IL12RB1: variants seen among roughly 807,000 people sequenced by gnomAD.
IL12RB1 encodes interleukin 12 receptor subunit beta 1.
A neutral mutation model predicts 94.4 loss-of-function variants in IL12RB1; 64 were observed. The observed-to-expected ratio is 0.68, with a 90% CI of 0.55 to 0.83. The LOEUF (loss-of-function observed/expected upper bound fraction) is 0.83, where lower values mean the gene tolerates loss of function less well. IL12RB1 is among the 40% of genes least tolerant of loss of function. The pLI is 0.00. For synonymous variants in IL12RB1, 362 were observed against 355.5 expected (o/e 1.02, Z -0.21); for missense variants, 814 against 855.6 (o/e 0.95, Z 0.61).
rs530864429 is a variant in IL12RB1 at position 18,066,127 on chromosome 19, A to G, written c.1483+415T>C. On this transcript the variant is annotated intron_variant, in intron 12 of 16. Coordinates refer to ENST00000593993, the MANE Select transcript of IL12RB1 (RefSeq NM_005535.3). ...TTTGTTTTCGTTTTTGTTTTTTCTGAGACAGAGTCTCACTCTGTCACCCAG... is the reference window on the plus strand; with the variant it reads ...TTTGTTTTCGTTTTTGTTTTTTCTGGGACAGAGTCTCACTCTGTCACCCAG... 3.3e-5 allele frequency among the ~76,000 whole-genome samples: 5 copies of G among 150,714 alleles called. No homozygotes were observed. In the East Asian group the frequency reaches 9.8e-4, roughly 30 times the overall value.
At chr19:18,090,896 G>C (rs1453894430), upstream of IL12RB1, 1 of 152,772 alleles carries the variant, frequency 6.5e-6, no homozygotes, top group Admixed American at 6.6e-5. Flanking sequence ...AGGGAGGACT[G>C]CCTGGAGGAG....
chr19:18,066,612 C>T lies in IL12RB1; in HGVS notation c.1413G>A (p.Leu471=). Residue 471 remains leucine, a synonymous_variant, in exon 12 of 17, where the codon CTG becomes CTA. Transcript: ENST00000593993. The stretch of plus-strand genomic sequence containing the variant: ...CCTTTAGGACGCCGGGACAGGTGCT[C>T]AGCAGGGATGGTGCCCAGTCCACAG... ...SVSVDWAPSL[L]STCPGVLKEY... The T allele has an allele frequency of 1.2e-6, 2 of 1,613,416 alleles. No individual in the cohort carries two copies. The highest frequency in any genetic ancestry group is 1.1e-5 in the South Asian group (1 of 91,076).
Position 18,075,752 on chromosome 19 carries a change from G to A in IL12RB1, c.697C>T (p.Pro233Ser). ...SKWSSPVCVP[P>S]ENPPQPQVRF... is the part of the protein sequence containing the mutation. Reference sequence around the variant, plus strand: ...CCTGTACTCAGAGTGATCTTACCAGGGGGAACGCACACGGGGCTGCTCCAC... The same window carrying A: ...CCTGTACTCAGAGTGATCTTACCAGAGGGAACGCACACGGGGCTGCTCCAC... The change falls in exon 7 of 17, where the codon CCT becomes TCT. Residue 233 changes from proline (P) to serine (S), a missense_variant. Physicochemically the swap from Pro to Ser is moderately conservative, Grantham distance 74. Coordinates refer to ENST00000593993, the MANE Select transcript of IL12RB1 (RefSeq NM_005535.3). 6.2e-7 allele frequency: 1 copy of A among 1,612,760 alleles called. No homozygotes were observed. Among genetic ancestry groups the A allele is most frequent in the Non-Finnish European group, 8.5e-7 (1 of 1,178,878 alleles).
At chr19:18,095,050 G>A (rs761035314) in intron 1 of IL12RB1, among the ~76,000 whole-genome samples, 1 of 151,792 alleles carries the variant, frequency 6.6e-6, no homozygotes, top group African/African-American at 2.4e-5. Flanking sequence ...GTGGTGGCGG[G>A]TGTCTGTAAT....
chr19:18,075,666 G>A, intron 7 of IL12RB1, 83 bp downstream of exon 7: 4 of 1,245,402 alleles, frequency 3.2e-6, no homozygotes, highest in South Asian at 1.2e-5. Flanking sequence ...TGAGCAGCTG[G>A]AACTACAGGT....
chr19:18,087,061 C>T (rs1038120977), upstream of IL12RB1: 78 of 782,990 alleles, frequency 1.0e-4, 1 homozygote, highest in Admixed American at 2.7e-5. Context: ...GACTCTGGAG[C>T]AAGTCTGACT....
chr19:18,072,683 C>T (rs1309802168), intron 8 of IL12RB1, among the ~76,000 whole-genome samples: 1 of 152,052 alleles, frequency 6.6e-6, no homozygotes, highest in African/African-American at 2.4e-5. Context: ...CACGGGGGCT[C>T]ACGCCTCTAA....
upstream of IL12RB1, chr19:18,090,627 C>A (rs1224088165): frequency 6.6e-6 from 1 of 152,440 alleles, no homozygotes; most frequent in Non-Finnish European, 1.5e-5. Flanking sequence ...AAGGTTGGCC[C>A]TCTCAGGCCT....
chr19:18,063,761 G>T, intron 13 of IL12RB1, 115 bp downstream of exon 13: 1 of 933,146 alleles, frequency 1.1e-6, no homozygotes, highest in Admixed American at 2.5e-5. Context: ...TTCTCCTGAG[G>T]GCAGTAGGGA....
chr19:18,073,368 A>C, intron 8 of IL12RB1, 149 bp downstream of exon 8: 1 of 678,946 alleles, frequency 1.5e-6, no homozygotes, highest in East Asian at 2.7e-5. Flanking sequence ...GCTCCCTATT[A>C]CCTTCAGAGT....
At chr19:18,068,594 C>T in intron 10 of IL12RB1, 68 bp from the exon 11 acceptor site, 2 of 1,329,740 alleles carry the variant, frequency 1.5e-6, no homozygotes, top group Non-Finnish European at 2.2e-6. Context: ...TTTGCACTGG[C>T]TGTGCCATCT....
intron 10 of IL12RB1, among the ~76,000 whole-genome samples, chr19:18,068,851 C>T (rs1599480875): frequency 6.6e-6 from 1 of 151,538 alleles, no homozygotes; most frequent in African/African-American, 2.4e-5. Context: ...CGGGTTCAAG[C>T]GATTCTCCTG....
chr19:18,071,378 G>T, intron 9 of IL12RB1: 1 of 1,003,040 alleles, frequency 1.0e-6, no homozygotes, highest in Non-Finnish European at 1.4e-6. Context: ...TAAACACAGG[G>T]TCAACTCTAG....
At chr19:18,084,556 T>G (rs1008436473) in intron 1 of IL12RB1, among the ~76,000 whole-genome samples, 9 of 151,682 alleles carry the variant, frequency 5.9e-5, no homozygotes, top group African/African-American at 1.9e-4. Context: ...CAACCATCCA[T>G]CTATCCATCT....
Position 18,076,325 on chromosome 19 carries a change from G to T in IL12RB1, c.552C>A (p.Gly184=). 1 of 1,406,658 alleles carries T rather than the reference G, an allele frequency of 7.1e-7. No homozygotes were observed. Among genetic ancestry groups the T allele is most frequent in the Non-Finnish European group, 1.0e-6 (1 of 990,720 alleles). 87.1% of individuals were successfully genotyped at this position (1,406,658 alleles called of 1,614,324 possible). A position where few individuals can be genotyped will look rare whatever the true frequency, so the allele number is the denominator to read the frequency against. ...HRTPSSPWKL[G]DCGPQDDDTE... ...TATCATCATCCTGAGGTCCGCAGTC[G>T]CCCTAGAATAAAAACATATTCATAT... The change falls in exon 6 of 17, where the codon GGC becomes GGA. Residue 184 remains glycine, a splice_region_variant and synonymous_variant. Coordinates refer to ENST00000593993, the MANE Select transcript of IL12RB1 (RefSeq NM_005535.3).
Position 18,080,891 on chromosome 19 carries a change from G to T in IL12RB1, c.350C>A (p.Ser117Tyr). The T allele has an allele frequency of 2.5e-6, 4 of 1,612,844 alleles. No homozygotes were observed. The highest frequency in any genetic ancestry group is 2.5e-6 in the Non-Finnish European group (3 of 1,178,848). ...VLYTVTLWVESWARNQTEKSP... is the reference protein window; with the variant it reads ...VLYTVTLWVEYWARNQTEKSP... ...CTTCTCTGTCTGGTTCCTGGCCCAG[G>T]ATTCCACCCAGAGTGTGACAGTGTA... Residue 117 changes from serine to tyrosine, a missense_variant, in exon 4 of 17, where the codon TCC becomes TAC. By Grantham distance (144) the Ser-to-Tyr change is moderately radical. Coordinates refer to ENST00000593993, the MANE Select transcript of IL12RB1 (RefSeq NM_005535.3).
intron 12 of IL12RB1, among the ~76,000 whole-genome samples, chr19:18,066,199 C>G (rs1038378540): frequency 8.6e-5 from 13 of 151,972 alleles, no homozygotes; most frequent in Admixed American, 6.6e-5. Flanking sequence ...TCTCCGCCTC[C>G]TGGGTTCAAG....
chr19:18,081,165 G>A (rs1340693095), intron 3 of IL12RB1, among the ~76,000 whole-genome samples, 164 bp from the exon 4 acceptor site: 1 of 151,700 alleles, frequency 6.6e-6, no homozygotes, highest in African/African-American at 2.4e-5. Flanking sequence ...GCGCAATCTC[G>A]GCTCACTGCA....
chr19:18,077,368 A>C (rs1222749154), intron 5 of IL12RB1, 148 bp downstream of exon 5: 1 of 686,762 alleles, frequency 1.5e-6, no homozygotes, highest in Non-Finnish European at 2.6e-6. Flanking sequence ...TCTCAGAAAA[A>C]AAAAAAGAAA....
Sources: allele counts gnomAD v4.1 joint callset (sites outside exome capture counted in the v4.1 genomes callset), GRCh38; gene constraint gnomAD v4.1.1; transcripts MANE v1.5; gene names NCBI Gene and HGNC (gene_info 2026-07-23, HGNC 2026-07-21).